STK10: variants seen among roughly 807,000 people sequenced by gnomAD.
STK10 encodes the protein serine/threonine kinase 10.
STK10 carries 78 observed loss-of-function variants against 113.8 expected under a neutral mutation model. The ratio of observed to expected loss-of-function variants is 0.69; its 90% confidence interval spans 0.57 to 0.83. The LOEUF (loss-of-function observed/expected upper bound fraction) is 0.83, where lower values mean the gene tolerates loss of function less well. Among genes scored for constraint, STK10 ranks in the 40% least tolerant of loss-of-function variants. The pLI is 0.00. For synonymous variants in STK10, 465 were observed against 494.7 expected (o/e 0.94, Z 0.80); for missense variants, 1,109 against 1,280.1 (o/e 0.87, Z 2.04).
chr5:172,168,057 G>T (rs1431580928), intron 1 of STK10, among the ~76,000 whole-genome samples: 1 of 152,192 alleles, frequency 6.6e-6, no homozygotes, highest in Non-Finnish European at 1.5e-5. Flanking sequence ...CTGACCTGTC[G>T]GATGAAAAGC....
intron 6 of STK10, among the ~76,000 whole-genome samples, chr5:172,106,059 T>C (rs1769098634): frequency 6.6e-6 from 1 of 152,116 alleles, no homozygotes; most frequent in Non-Finnish European, 1.5e-5. Flanking sequence ...GGGGCTCCTG[T>C]TCCCCAGTGG....
chr5:172,055,964 CTTG>C (rs1767744408), intron 15 of STK10, among the ~76,000 whole-genome samples, 188 bp from the exon 16 acceptor site: 1 of 152,192 alleles, frequency 6.6e-6, no homozygotes, highest in Non-Finnish European at 1.5e-5. Context: ...TTTAAAAATT[CTTG>C]TTAATAATAT....
At chr5:172,106,401 C>CAAAAAAAAA (rs368671444) in intron 6 of STK10, among the ~76,000 whole-genome samples, 18 of 53,444 alleles carry the variant, frequency 3.4e-4, no homozygotes, top group South Asian at 1.2e-3. Flanking sequence ...GACCCTATCT[C>CAAAAAAAAA]AAAAAAAAAA....
chr5:172,074,185 G>A (rs930931041), intron 12 of STK10, among the ~76,000 whole-genome samples: 9 of 152,064 alleles, frequency 5.9e-5, no homozygotes, highest in Admixed American at 2.6e-4. Flanking sequence ...ACAGAAATCA[G>A]TAGGATGATT....
intron 18 of STK10, among the ~76,000 whole-genome samples, chr5:172,052,300 AG>A (rs1767645671): frequency 6.6e-6 from 1 of 152,192 alleles, no homozygotes; most frequent in Non-Finnish European, 1.5e-5. Flanking sequence ...CAGGGACCTC[AG>A]ACCTACAGCC....
At chr5:172,057,057 G>A in intron 15 of STK10, 1 of 235,088 alleles carries the variant, frequency 4.3e-6, no homozygotes, top group Non-Finnish European at 8.2e-6. Flanking sequence ...AAGAAAAGAA[G>A]AAAGGGAAAA....
intron 2 of STK10, among the ~76,000 whole-genome samples, chr5:172,154,667 C>T (rs1469655409): frequency 6.6e-6 from 1 of 152,206 alleles, no homozygotes; most frequent in African/African-American, 2.4e-5. Flanking sequence ...CCTAAAGTGA[C>T]AATTTAGGGA....
intron 5 of STK10, 120 bp downstream of exon 5, chr5:172,107,660 G>C (rs1769145779): frequency 1.1e-6 from 1 of 932,444 alleles, no homozygotes. Flanking sequence ...CAGCTAGTAA[G>C]CCACGAGGCA....
chr5:172,158,063 TA>T (rs1253153305), intron 1 of STK10, among the ~76,000 whole-genome samples: 9 of 152,082 alleles, frequency 5.9e-5, no homozygotes, highest in African/African-American at 2.2e-4. Context: ...ATGTGAGGAA[TA>T]AGAGGGTAAG....
rs1013157844 is a variant in STK10, at chr5:172,043,010, C to A, written c.*1872G>T. 2.0e-5 allele frequency: 3 copies of A among 152,072 alleles called. No homozygotes were observed. The highest frequency in any genetic ancestry group is 7.2e-5 in the African/African-American group (3 of 41,390). The allele number at this position is 152,072 out of a possible 1,614,324, so 9.4% of individuals were successfully genotyped here. ...GCATGTATCTGTCGTCCCAGCTACT[C>A]AAGGTTGAAGCGGGAGAATCAGTTG... On this transcript the variant is annotated 3_prime_UTR_variant, in exon 19 of 19. Transcript: ENST00000176763.
At chr5:172,053,085 G>A (rs1019297585) in intron 17 of STK10, 43 bp from the exon 18 acceptor site, 8 of 1,556,352 alleles carry the variant, frequency 5.1e-6, no homozygotes, top group Admixed American at 3.4e-5. Flanking sequence ...ATCAGAAGAC[G>A]CAGGCCCTGA....
rs765978181 is a variant in STK10, at chr5:172,093,512, G to A, written c.1454C>T (p.Ser485Leu). ...AGAGGTGCAGAGGCTGCTGCAGTCC[G>A]AGTCCCTCTTGGAAGGCCCTGGAGC... ...QAAPGPSKRD[S>L]DCSSLCTSES... is the part of the protein sequence containing the mutation. Residue 485 changes from serine (S) to leucine (L), a missense_variant, in exon 9 of 19, where the codon TCG becomes TTG. Ser to Leu is a moderately radical substitution (Grantham distance 145, BLOSUM62 -2). Coordinates refer to ENST00000176763, the MANE Select transcript of STK10 (RefSeq NM_005990.4). The surrounding 1 kb of genome is among the most constrained non-coding windows in gnomAD (Gnocchi z 4.1). 8.7e-6 allele frequency: 14 copies of A among 1,614,106 alleles called. No individual in the cohort carries two copies. Among genetic ancestry groups the A allele is most frequent in the South Asian group, 3.3e-5 (3 of 91,086 alleles).
chr5:172,157,650 G>C (rs548900051), intron 1 of STK10, among the ~76,000 whole-genome samples: 1 of 152,154 alleles, frequency 6.6e-6, no homozygotes, highest in Non-Finnish European at 1.5e-5. Context: ...AAGTGCAGTG[G>C]TGTGATCACT....
intron 2 of STK10, among the ~76,000 whole-genome samples, chr5:172,146,927 A>G (rs995558812): frequency 6.6e-6 from 1 of 152,136 alleles, no homozygotes; most frequent in Non-Finnish European, 1.5e-5. Context: ...ACAGCGTCAG[A>G]TCTCACAGGC....
At position 172,108,480 on chromosome 5, in the gene STK10, G is replaced by A. The variant is rs563028927; in HGVS notation, c.521-628C>T. ...AAAATACAAAAATTAGCCAGGTGTG[G>A]TGGTGGACGCCTGTAATCCCAGATA... is the stretch of plus-strand genomic sequence containing the variant. On this transcript the variant is annotated intron_variant, in intron 4 of 18. Coordinates refer to ENST00000176763, the MANE Select transcript of STK10 (RefSeq NM_005990.4). 5.9e-5 allele frequency among the ~76,000 whole-genome samples: 9 copies of A among 152,222 alleles called. No homozygotes were observed. The South Asian group carries it at 1.7e-3, about 28-fold the overall frequency.
chr5:172,108,763 C>T (rs749825124), intron 4 of STK10, among the ~76,000 whole-genome samples: 22 of 151,520 alleles, frequency 1.5e-4, no homozygotes, highest in African/African-American at 1.9e-4. Flanking sequence ...CCAACCTGGG[C>T]GGTATTTATT....
At chr5:172,141,193 C>T (rs1240834757) in intron 2 of STK10, among the ~76,000 whole-genome samples, 1 of 151,834 alleles carries the variant, frequency 6.6e-6, no homozygotes, top group Non-Finnish European at 1.5e-5. Context: ...ATCTGTTGGA[C>T]AACGCTATAG....
At chr5:172,159,938 C>T (rs562285458) in intron 1 of STK10, among the ~76,000 whole-genome samples, 71 of 150,476 alleles carry the variant, frequency 4.7e-4, no homozygotes, top group African/African-American at 1.7e-3. Flanking sequence ...GAGTTTGAGA[C>T]CATCCTGACC....
At chr5:172,169,146 T>C (rs969688169) in intron 1 of STK10, among the ~76,000 whole-genome samples, 2 of 152,052 alleles carry the variant, frequency 1.3e-5, no homozygotes, top group African/African-American at 4.8e-5. Flanking sequence ...CATGACATCT[T>C]CCCCAGAACC....
Sources: allele counts gnomAD v4.1 joint callset (sites outside exome capture counted in the v4.1 genomes callset), GRCh38; gene constraint gnomAD v4.1.1; non-coding constraint Gnocchi (gnomAD v3.1); transcripts MANE v1.5; gene names NCBI Gene and HGNC (gene_info 2026-07-23, HGNC 2026-07-21).